Variants in ZNRF1 observed in about 807,000 individuals in gnomAD.
ZNRF1 encodes zinc and ring finger 1, also known as E3 ubiquitin-protein ligase ZNRF1.
In ZNRF1, 3 loss-of-function variants were observed where a neutral mutation model predicts 18.4. The observed-to-expected ratio is 0.16, with a 90% CI of 0.07 to 0.42. The LOEUF (loss-of-function observed/expected upper bound fraction) is 0.42. Ranked by LOEUF, ZNRF1 falls within the 10% of genes least tolerant of loss-of-function variation. The pLI, the probability that ZNRF1 is intolerant of heterozygous loss-of-function variation, is 0.99. For missense variants in ZNRF1, 310 were observed against 329.8 expected, an observed-to-expected ratio of 0.94 and a Z score of 0.47; for synonymous variants, 157 against 144.2, an observed-to-expected ratio of 1.09 and a Z score of -0.64.
At chr16:75,069,269 C>T (rs555097452) in intron 1 of ZNRF1, among the ~76,000 whole-genome samples, 1 of 152,090 alleles carries the variant, frequency 6.6e-6, no homozygotes, top group Non-Finnish European at 1.5e-5. Flanking sequence ...ATTTTTTCCT[C>T]TTACCCTGCT....
At chr16:75,019,496 T>A (rs1372383158) in intron 1 of ZNRF1, among the ~76,000 whole-genome samples, 1 of 152,210 alleles carries the variant, frequency 6.6e-6, no homozygotes, top group Non-Finnish European at 1.5e-5. Context: ...TGTTTCGTTT[T>A]TATTTATACT....
At chr16:75,103,673 A>G (rs1280378730) in intron 2 of ZNRF1, among the ~76,000 whole-genome samples, 2 of 152,202 alleles carry the variant, frequency 1.3e-5, no homozygotes, top group Non-Finnish European at 2.9e-5. Context: ...TCTTACCACA[A>G]TAAAATAAAG....
At chr16:75,054,991 A>G (rs2035650204) in intron 1 of ZNRF1, among the ~76,000 whole-genome samples, 1 of 152,188 alleles carries the variant, frequency 6.6e-6, no homozygotes, top group African/African-American at 2.4e-5. Flanking sequence ...TCCTAATGAA[A>G]CTGTTACTGT....
chr16:75,050,261 C>T (rs2035576171), intron 1 of ZNRF1, among the ~76,000 whole-genome samples: 1 of 152,204 alleles, frequency 6.6e-6, no homozygotes, highest in Non-Finnish European at 1.5e-5. Flanking sequence ...TGCAGTGGCT[C>T]ACTCCTGTAA....
intron 1 of ZNRF1, among the ~76,000 whole-genome samples, 193 bp from the exon 2 acceptor site, chr16:75,093,379 C>T (rs1410710533): frequency 2.1e-5 from 3 of 143,400 alleles, no homozygotes; most frequent in African/African-American, 5.3e-5. Flanking sequence ...AGTGAGACTT[C>T]GTCTCAAAAA....
intron 1 of ZNRF1, among the ~76,000 whole-genome samples, chr16:75,019,682 C>G (rs1009681612): frequency 2.6e-4 from 39 of 152,046 alleles, no homozygotes; most frequent in Non-Finnish European, 2.4e-4. Flanking sequence ...TCCAAATCTT[C>G]CATATTTTAC....
intron 1 of ZNRF1, among the ~76,000 whole-genome samples, chr16:75,046,244 G>A (rs1338520956): frequency 6.6e-6 from 1 of 150,660 alleles, no homozygotes. Context: ...TGAGTTGGGT[G>A]TTTCATTTTG....
rs1419710312 is a variant in ZNRF1 at position 74,999,980 on chromosome 16, C to T, written c.309C>T (p.Tyr103=). 1.0e-5 allele frequency: 16 copies of T among 1,584,488 alleles called. No individual in the cohort carries two copies. Among genetic ancestry groups the T allele is most frequent in the East Asian group, 2.3e-5 (1 of 43,644 alleles). The change falls in exon 1 of 5, where the codon TAC becomes TAT. Residue 103 remains tyrosine, a synonymous_variant. Transcript: ENST00000335325. The part of the protein sequence containing the change: ...SDSTYAHGNG[Y]QETGGGHHRD... ...CCACCTATGCCCATGGCAATGGTTA[C>T]CAGGAGACGGGCGGCGGTCACCATA...
chr16:75,095,128 A>C (rs976464592), intron 2 of ZNRF1: 1 of 152,908 alleles, frequency 6.5e-6, no homozygotes, highest in African/African-American at 2.4e-5. Flanking sequence ...CTTCTCTCTT[A>C]ATTACTTGTT....
intron 1 of ZNRF1, among the ~76,000 whole-genome samples, chr16:75,010,711 G>GTTGTTT (rs1555509222): frequency 1.3e-5 from 1 of 74,324 alleles, no homozygotes. Context: ...GTTTTTTTTT[G>GTTGTTT]TTTTTTTGTT....
At chr16:75,044,001 C>T (rs1292085274) in intron 1 of ZNRF1, among the ~76,000 whole-genome samples, 7 of 151,902 alleles carry the variant, frequency 4.6e-5, no homozygotes, top group South Asian at 2.1e-4. Flanking sequence ...GTAGTAGAGA[C>T]GTGGTTTCAC....
rs892626543 is a variant in ZNRF1 at position 74,999,072 on chromosome 16, A to G, written c.-600A>G. 24 of 149,504 alleles carry G rather than the reference A, an allele frequency of 1.6e-4. No individual in the cohort carries two copies. In the East Asian group the frequency reaches 4.7e-3, roughly 29 times the overall value. The allele number at this position is 149,504 out of a possible 1,614,324, so 9.3% of individuals were successfully genotyped here. A position where few individuals can be genotyped will look rare whatever the true frequency, so the allele number is the denominator to read the frequency against. On this transcript the variant is annotated 5_prime_UTR_variant, in exon 1 of 5. Transcript: ENST00000335325. ...CGCCGGCGAGCGCAGCCCGGGACCG[A>G]GCGGGGCGGCGCGGCTGGCGGGGCC...
intron 1 of ZNRF1, among the ~76,000 whole-genome samples, chr16:75,080,850 G>C (rs2036002004): frequency 6.6e-6 from 1 of 152,018 alleles, no homozygotes; most frequent in Admixed American, 6.6e-5. Context: ...CTCCAGCCTG[G>C]GCAACAGAGA....
chr16:75,064,868 T>C (rs2145392831), intron 1 of ZNRF1, among the ~76,000 whole-genome samples: 1 of 152,346 alleles, frequency 6.6e-6, no homozygotes, highest in African/African-American at 2.4e-5. Context: ...AACCGACTGC[T>C]GGGCCCTGCC....
chr16:75,068,457 C>G (rs899092599), intron 1 of ZNRF1, among the ~76,000 whole-genome samples: 2 of 152,122 alleles, frequency 1.3e-5, no homozygotes, highest in African/African-American at 4.8e-5. Context: ...GTGGCCAATC[C>G]CTTTCTCCCA....
intron 1 of ZNRF1, among the ~76,000 whole-genome samples, chr16:75,048,033 C>T (rs1405401519): frequency 6.6e-6 from 1 of 151,790 alleles, no homozygotes; most frequent in Non-Finnish European, 1.5e-5. Flanking sequence ...CTCACTATAG[C>T]CTCAACCTCC....
rs566373178 is a variant in ZNRF1 at position 75,065,659 on chromosome 16, A to C, written c.425-27913A>C. ...GCCCTTGTAAAGCATGGGTGTGTAC[A>C]CTCAGAAATGTATCCTTCCTTATGC... On this transcript the variant is annotated intron_variant, in intron 1 of 4. Transcript: ENST00000335325. Among the ~76,000 whole-genome samples, 9 of 152,246 alleles carry C rather than the reference A, an allele frequency of 5.9e-5. No homozygotes were observed. In the East Asian group the frequency reaches 1.7e-3, roughly 29 times the overall value.
chr16:75,059,229 C>CTTTTTT (rs35291578), intron 1 of ZNRF1, among the ~76,000 whole-genome samples: 186 of 92,898 alleles, frequency 2.0e-3, no homozygotes, highest in African/African-American at 2.1e-3. Flanking sequence ...TTCTTTCTTT[C>CTTTTTT]TTTTTTTTTT....
chr16:75,069,781 C>T (rs1005059364), intron 1 of ZNRF1, among the ~76,000 whole-genome samples: 4 of 152,172 alleles, frequency 2.6e-5, no homozygotes, highest in African/African-American at 9.7e-5. Context: ...CCCTGGGCCT[C>T]GGCCCCTCAC....
Sources: allele counts gnomAD v4.1 joint callset (sites outside exome capture counted in the v4.1 genomes callset), GRCh38; gene constraint gnomAD v4.1.1; transcripts MANE v1.5; gene names NCBI Gene and HGNC (gene_info 2026-07-23, HGNC 2026-07-21).